Variants in KLHDC1 observed in about 807,000 individuals in gnomAD.
The protein encoded by KLHDC1 is kelch domain containing 1, also known as kelch domain-containing protein 1.
A neutral mutation model predicts 68.3 loss-of-function variants in KLHDC1; 53 were observed. The ratio of observed to expected loss-of-function variants is 0.78; its 90% CI spans 0.62 to 0.98. The LOEUF (loss-of-function observed/expected upper bound fraction) is 0.98, where lower values mean the gene tolerates loss of function less well. KLHDC1 is among the 50% of genes least tolerant of loss of function. The pLI, the probability that KLHDC1 is intolerant of heterozygous loss-of-function variation, is 0.00. For synonymous variants in KLHDC1, 148 were observed against 159.0 expected, an observed-to-expected ratio of 0.93 and a Z score of 0.52; for missense variants, 470 against 492.3, an observed-to-expected ratio of 0.95 and a Z score of 0.43.
At chr14:49,713,801 TA>T in intron 4 of KLHDC1, among the ~76,000 whole-genome samples, 1 of 3,172 alleles carries the variant, frequency 3.2e-4, no homozygotes, top group Admixed American at 5.2e-3. Context: ...GCAGGAGGTA[TA>T]TATATATATA....
chr14:49,709,120 T>TA, intron 1 of KLHDC1, 39 bp from the exon 2 acceptor site: 1 of 870,962 alleles, frequency 1.1e-6, no homozygotes, highest in South Asian at 1.5e-5. Flanking sequence ...GTTTGCTGTG[T>TA]AACTGATAAA....
At position 49,747,431 on chromosome 14, in the gene KLHDC1, G is replaced by A. The variant is rs559764214; in HGVS notation, c.1034+3626G>A. Among the ~76,000 whole-genome samples, 22 of 152,292 alleles carry A rather than the reference G, an allele frequency of 1.4e-4. No individual in the cohort carries two copies. In the East Asian group the frequency reaches 3.7e-3, roughly 25 times the overall value. The stretch of plus-strand genomic sequence containing the variant: ...GGCAGGAGAAGCCAATGGAGAGTAG[G>A]TTGTTAGAAACACAAGAAAATGCAG... On this transcript the variant is annotated intron_variant, in intron 12 of 12. Coordinates refer to ENST00000359332, the MANE Select transcript of KLHDC1 (RefSeq NM_172193.3).
At chr14:49,723,012 G>A (rs1218995616) in intron 4 of KLHDC1, among the ~76,000 whole-genome samples, 7 of 140,874 alleles carry the variant, frequency 5.0e-5, no homozygotes, top group East Asian at 2.2e-4. Context: ...ACTCGAACCC[G>A]GGAGGCGGAG....
chr14:49,696,056 A>G (rs1186044152), intron 1 of KLHDC1, among the ~76,000 whole-genome samples: 3 of 141,826 alleles, frequency 2.1e-5, no homozygotes, highest in Non-Finnish European at 4.6e-5. Context: ...ACAGAGTGAG[A>G]CTCTGTCTCA....
At chr14:49,723,561 A>C (rs1406078870) in intron 4 of KLHDC1, among the ~76,000 whole-genome samples, 1 of 152,080 alleles carries the variant, frequency 6.6e-6, no homozygotes, top group Non-Finnish European at 1.5e-5. Flanking sequence ...AAAAAAATCT[A>C]ATTTGCCATG....
intron 10 of KLHDC1, among the ~76,000 whole-genome samples, chr14:49,737,555 C>T (rs1888957536): frequency 6.6e-6 from 1 of 151,966 alleles, no homozygotes; most frequent in Admixed American, 6.6e-5. Flanking sequence ...GTTGCTTCAA[C>T]AGTTGGTATA....
chr14:49,725,829 G>A, intron 6 of KLHDC1, 60 bp downstream of exon 6: 2 of 885,714 alleles, frequency 2.3e-6, no homozygotes, highest in African/African-American at 1.7e-5. Flanking sequence ...TTTTTACTGT[G>A]GATTTTGGGT....
intron 4 of KLHDC1, among the ~76,000 whole-genome samples, chr14:49,722,085 T>G (rs1566608214): frequency 6.6e-6 from 1 of 152,138 alleles, no homozygotes; most frequent in Non-Finnish European, 1.5e-5. Context: ...TGCGAAAGAG[T>G]TAAGGAGTAG....
At chr14:49,710,761 T>A (rs1465330478) in intron 4 of KLHDC1, among the ~76,000 whole-genome samples, 2 of 152,244 alleles carry the variant, frequency 1.3e-5, no homozygotes, top group African/African-American at 2.4e-5. Flanking sequence ...TTAATCCTTC[T>A]GTTCCATTTT....
intron 4 of KLHDC1, among the ~76,000 whole-genome samples, chr14:49,715,753 A>T: frequency 7.7e-6 from 1 of 130,630 alleles, no homozygotes; most frequent in East Asian, 2.2e-4. Flanking sequence ...AAAAAAAAAA[A>T]AAAAAAAAAA....
At chr14:49,748,794 ATTTTTTTTCTT>A (rs544631801) in intron 12 of KLHDC1, among the ~76,000 whole-genome samples, 320 of 150,898 alleles carry the variant, frequency 2.1e-3, no homozygotes, top group African/African-American at 7.3e-3. Flanking sequence ...ACTGAGAGAA[ATTTTTTTTCTT>A]TTTTTTTTCT....
chr14:49,695,731 G>A (rs1031095161), intron 1 of KLHDC1, among the ~76,000 whole-genome samples: 2 of 152,124 alleles, frequency 1.3e-5, no homozygotes, highest in Non-Finnish European at 2.9e-5. Flanking sequence ...GTCCTAGATG[G>A]CATCCTCTTC....
At chr14:49,713,850 A>ATTTTTTTTTTTTTTT (rs869250721) in intron 4 of KLHDC1, among the ~76,000 whole-genome samples, 1 of 50,218 alleles carries the variant, frequency 2.0e-5, no homozygotes, top group African/African-American at 8.7e-5. Flanking sequence ...ATATATATAT[A>ATTTTTTTTTTTTTTT]TTTTTTTTTT....
Position 49,751,832 on chromosome 14 carries a change from C to T in KLHDC1, c.*60C>T, listed in dbSNP as rs536719830. On this transcript the variant is annotated 3_prime_UTR_variant, in exon 13 of 13. Transcript: ENST00000359332. ...ACTTTTTAATCAGACTATACATTTA[C>T]ACTCCCAAATTGCAGGCTTTATTTA... 3.7e-6 allele frequency: 3 copies of T among 803,432 alleles called. No individual in the cohort carries two copies. Among genetic ancestry groups the T allele is most frequent in the Non-Finnish European group, 5.4e-6 (3 of 553,816 alleles). 49.8% of individuals were successfully genotyped at this position (803,432 alleles called of 1,614,324 possible).
rs569584027 is a variant in KLHDC1 at position 49,736,341 on chromosome 14, G to A, written c.896+1680G>A. Among the ~76,000 whole-genome samples, 11 of 152,164 alleles carry A rather than the reference G, an allele frequency of 7.2e-5. No individual in the cohort carries two copies. The South Asian group carries it at 2.3e-3, about 32-fold the overall frequency. On this transcript the variant is annotated intron_variant, in intron 10 of 12. Coordinates refer to ENST00000359332, the MANE Select transcript of KLHDC1 (RefSeq NM_172193.3). ...GATAAGTTTAGAGCAGCTGTGAAAGGACATAAACTATCAGTCTGTAGAAAA... is the reference window on the plus strand; with the variant it reads ...GATAAGTTTAGAGCAGCTGTGAAAGAACATAAACTATCAGTCTGTAGAAAA...
chr14:49,739,489 G>A (rs532549677), intron 10 of KLHDC1, among the ~76,000 whole-genome samples: 63 of 152,292 alleles, frequency 4.1e-4, no homozygotes, highest in Non-Finnish European at 7.1e-4. Context: ...ACATATTATG[G>A]TGTTCTGTAC....
chr14:49,725,761 G>GAAA lies in KLHDC1; in HGVS notation c.560_562dup (p.Glu187_Ile188insLys). 1 of 1,535,940 alleles carries GAAA rather than the reference G, an allele frequency of 6.5e-7. No individual in the cohort carries two copies. Among genetic ancestry groups the GAAA allele is most frequent in the Non-Finnish European group, 8.9e-7 (1 of 1,122,166 alleles). On this transcript the variant is annotated inframe_insertion, in exon 6 of 13. Coordinates refer to ENST00000359332, the MANE Select transcript of KLHDC1 (RefSeq NM_172193.3). ...AAAGACACAGACTTGGTTTCAACCA[G>GAAA]AAATTAAAGTAAGTGTGGTAAAAAG...
intron 12 of KLHDC1, 67 bp downstream of exon 12, chr14:49,743,872 G>A (rs1889128347): frequency 2.2e-6 from 2 of 929,588 alleles, no homozygotes; most frequent in African/African-American, 1.7e-5. Flanking sequence ...TCATTTTTGG[G>A]AAGCATTGAA....
At chr14:49,730,818 C>A (rs1349814775) in intron 8 of KLHDC1, among the ~76,000 whole-genome samples, 3 of 148,218 alleles carry the variant, frequency 2.0e-5, no homozygotes, top group African/African-American at 7.5e-5. Flanking sequence ...ACTAAAAATA[C>A]AAAAAAAGCA....
Sources: allele counts gnomAD v4.1 joint callset (sites outside exome capture counted in the v4.1 genomes callset), GRCh38; gene constraint gnomAD v4.1.1; transcripts MANE v1.5; gene names NCBI Gene and HGNC (gene_info 2026-07-23, HGNC 2026-07-21).